The following ALG9 variants were observed in gnomAD, a reference collection of about 807,000 sequenced individuals.
ALG9 encodes ALG9 alpha-1,2-mannosyltransferase.
Under a neutral mutation model 81.8 loss-of-function variants are expected in ALG9, and 55 were observed. The observed-to-expected ratio is 0.67, with a 90% CI of 0.54 to 0.84. ALG9 has a LOEUF of 0.84. Among genes scored for constraint, ALG9 ranks in the 40% least tolerant of loss-of-function variants. The pLI, the probability that ALG9 is intolerant of heterozygous loss-of-function variation, is 0.00. For synonymous variants in ALG9, 278 were observed against 274.3 expected (o/e 1.01, Z -0.13); for missense variants, 629 against 745.0 (o/e 0.84, Z 1.81).
At chr11:111,870,435 A>G in intron 1 of ALG9, 65 bp from the exon 2 acceptor site, 2 of 1,484,172 alleles carry the variant, frequency 1.3e-6, no homozygotes, top group Non-Finnish European at 1.8e-6. Context: ...TAATCAGAAG[A>G]CCTAAATCTA....
Position 111,782,801 on chromosome 11 carries a change from T to C in ALG9, c.*3596A>G, listed in dbSNP as rs1946057952. On this transcript the variant is annotated 3_prime_UTR_variant, in exon 15 of 15. Transcript: ENST00000616540. The stretch of plus-strand genomic sequence containing the variant: ...AATCATATCAGGTTTTCAAGGTTCT[T>C]TCCTAGAACTCCAAAGTTGGAAAAA... The C allele has an allele frequency of 6.6e-6, 1 of 152,206 alleles. No homozygotes were observed. The highest frequency in any genetic ancestry group is 6.5e-5 in the Admixed American group (1 of 15,288). The allele number at this position is 152,206 out of a possible 1,614,324, so 9.4% of individuals were successfully genotyped here. A position where few individuals can be genotyped will look rare whatever the true frequency, so the allele number is the denominator to read the frequency against.
chr11:111,777,982 T>G (rs117202968), downstream of ALG9, among the ~76,000 whole-genome samples: 1,241 of 152,360 alleles, frequency 8.1e-3, 8 homozygotes, highest in Middle Eastern at 0.054. Flanking sequence ...AAGCTCTCTC[T>G]GCAAAGACCA....
At chr11:111,841,556 A>T (rs1456679037) in intron 9 of ALG9, among the ~76,000 whole-genome samples, 2 of 152,226 alleles carry the variant, frequency 1.3e-5, no homozygotes, top group Admixed American at 1.3e-4. Flanking sequence ...ATGAGAGATA[A>T]GCCTGCAACC....
intron 9 of ALG9, 110 bp from the exon 10 acceptor site, chr11:111,840,919 A>G: frequency 1.5e-6 from 2 of 1,292,510 alleles, no homozygotes; most frequent in East Asian, 2.4e-5. Context: ...AGGACACTCC[A>G]TAGAATGTTT....
chr11:111,813,005 A>C (rs1319918073), intron 13 of ALG9, among the ~76,000 whole-genome samples: 1 of 152,030 alleles, frequency 6.6e-6, no homozygotes, highest in South Asian at 2.1e-4. Flanking sequence ...AGATGCAGGT[A>C]CATGCAGACC....
chr11:111,788,427 G>GA (rs1565569797), intron 14 of ALG9: 1 of 454,040 alleles, frequency 2.2e-6, no homozygotes, highest in East Asian at 7.0e-5. Context: ...TGAACAGGAA[G>GA]AGGAAGCACC....
chr11:111,807,790 C>CA (rs200622430), intron 14 of ALG9, among the ~76,000 whole-genome samples: 8 of 151,228 alleles, frequency 5.3e-5, no homozygotes, highest in African/African-American at 1.7e-4. Flanking sequence ...GACCCCGTCT[C>CA]AAAAAAAAAA....
chr11:111,821,892 C>T (rs1555104161), intron 13 of ALG9, among the ~76,000 whole-genome samples: 2 of 152,102 alleles, frequency 1.3e-5, no homozygotes, highest in African/African-American at 2.4e-5. Flanking sequence ...CCTCGGCCTC[C>T]GAAAGTGCTG....
chr11:111,834,643 G>A (rs960588533), intron 13 of ALG9, among the ~76,000 whole-genome samples: 2 of 152,100 alleles, frequency 1.3e-5, no homozygotes, highest in African/African-American at 2.4e-5. Flanking sequence ...CAAAGTCCAC[G>A]CTCTTTTTTT....
intron 13 of ALG9, among the ~76,000 whole-genome samples, chr11:111,835,388 G>T (rs17113290): frequency 0.16 from 24,287 of 152,166 alleles, 2,377 homozygotes; most frequent in South Asian, 0.31. Flanking sequence ...ATTCGCATGG[G>T]ATCTCAGAAT....
intron 8 of ALG9, 140 bp from the exon 9 acceptor site, chr11:111,844,863 C>T: frequency 1.1e-6 from 1 of 905,580 alleles, no homozygotes; most frequent in Non-Finnish European, 1.8e-6. Flanking sequence ...CCCACTCTTC[C>T]CATGCTAAGC....
At chr11:111,857,545 CATTAAGATTTACT>C in intron 6 of ALG9, 44 bp downstream of exon 6, 2 of 1,611,008 alleles carry the variant, frequency 1.2e-6, no homozygotes, top group Admixed American at 3.3e-5. Flanking sequence ...GCTAATCCAA[CATTAAGATTTACT>C]ATATGCCCAG....
chr11:111,778,816 CT>C (rs61190059), downstream of ALG9, among the ~76,000 whole-genome samples: 806 of 138,494 alleles, frequency 5.8e-3, 5 homozygotes, highest in African/African-American at 0.013. Context: ...CTTTTCTTTT[CT>C]TTTTTTTTTT....
chr11:111,827,033 A>G (rs1316959716), intron 13 of ALG9, among the ~76,000 whole-genome samples: 1 of 152,238 alleles, frequency 6.6e-6, no homozygotes, highest in Non-Finnish European at 1.5e-5. Context: ...AAAAGCACAA[A>G]TAATATGAAG....
At chr11:111,850,706 C>CAAAAAA (rs782114013) in intron 8 of ALG9, among the ~76,000 whole-genome samples, 733 of 66,618 alleles carry the variant, frequency 0.011, 49 homozygotes, top group Middle Eastern at 0.078. Flanking sequence ...GATACTGTCT[C>CAAAAAA]AAAAAAAAAA....
the ALG9 span, chr11:111,769,511 C>G: frequency 6.6e-6 from 1 of 151,682 alleles, no homozygotes; most frequent in African/African-American, 2.4e-5. Context: ...TTCAGCTACT[C>G]AGGAGGCTGA....
chr11:111,864,569 C>G, intron 4 of ALG9: 1 of 554,910 alleles, frequency 1.8e-6, no homozygotes, highest in South Asian at 2.3e-5. Flanking sequence ...AGCACATGTG[C>G]TGTAATATAC....
At chr11:111,853,079 T>C (rs1200969198) in intron 8 of ALG9, among the ~76,000 whole-genome samples, 1 of 120,394 alleles carries the variant, frequency 8.3e-6, no homozygotes, top group African/African-American at 3.2e-5. Flanking sequence ...TAACTTTTAA[T>C]TAAAAAAAAA....
At chr11:111,792,078 G>A (rs552095852) in intron 14 of ALG9, among the ~76,000 whole-genome samples, 3 of 152,212 alleles carry the variant, frequency 2.0e-5, no homozygotes, top group Non-Finnish European at 2.9e-5. Context: ...GCGAGACTCC[G>A]TCTCAGGAAG....
Sources: gnomAD v4.1 joint callset for allele counts (sites outside exome capture counted in the v4.1 genomes callset) on GRCh38, gnomAD v4.1.1 for gene constraint, MANE v1.5 for transcripts, NCBI Gene and HGNC (gene_info 2026-07-23, HGNC 2026-07-21) for gene names.